NRXN1: variants seen among roughly 807,000 people sequenced by gnomAD.
NRXN1 encodes neurexin 1, also known as neurexin-1.
Under a neutral mutation model 150.9 loss-of-function variants are expected in NRXN1, and 39 were observed. The observed-to-expected ratio is 0.26, with a 90% CI of 0.20 to 0.34. The LOEUF is 0.34. NRXN1 is among the 10% of genes least tolerant of loss of function. The probability of loss-of-function intolerance (pLI) is 1.00; values close to 1 mark genes in which losing one functional copy is unlikely to be tolerated. For missense variants in NRXN1, 1,815 were observed against 1,949.9 expected, an observed-to-expected ratio of 0.93 and a Z score of 1.30; for synonymous variants, 924 against 757.0, an observed-to-expected ratio of 1.22 and a Z score of -3.62.
At chr2:50,384,565 G>A (rs950932176) in intron 17 of NRXN1, among the ~76,000 whole-genome samples, 1 of 149,562 alleles carries the variant, frequency 6.7e-6, no homozygotes, top group Non-Finnish European at 1.5e-5. Context: ...ATTGTTTAGG[G>A]CCCAGTTTCA....
chr2:50,897,374 G>A (rs1374052277), intron 5 of NRXN1, among the ~76,000 whole-genome samples: 1 of 152,072 alleles, frequency 6.6e-6, no homozygotes, highest in Admixed American at 6.6e-5. Flanking sequence ...AGTGATACCA[G>A]GACCATTCTA....
intron 2 of NRXN1, among the ~76,000 whole-genome samples, chr2:50,926,438 T>A (rs1393394620): frequency 6.6e-6 from 1 of 152,010 alleles, no homozygotes; most frequent in Non-Finnish European, 1.5e-5. Context: ...ATGCCATTAC[T>A]GCCTTTTAGT....
intron 21 of NRXN1, chr2:49,970,602 G>A (rs546429353): frequency 2.0e-5 from 3 of 152,124 alleles, no homozygotes; most frequent in South Asian, 2.1e-4. Context: ...AGGCCTTCAG[G>A]AGATTCAAAT....
At chr2:49,956,865 T>C (rs571424809) in intron 21 of NRXN1, among the ~76,000 whole-genome samples, 1 of 152,266 alleles carries the variant, frequency 6.6e-6, no homozygotes, top group Admixed American at 6.5e-5. Flanking sequence ...CACTTGACTT[T>C]TAGTTCTCCA....
At chr2:50,966,882 A>G (rs1323325745) in intron 2 of NRXN1, among the ~76,000 whole-genome samples, 1 of 151,964 alleles carries the variant, frequency 6.6e-6, no homozygotes, top group Non-Finnish European at 1.5e-5. Flanking sequence ...TGATTTAACA[A>G]GACAGCAATC....
intron 5 of NRXN1, among the ~76,000 whole-genome samples, chr2:50,804,097 A>G (rs1323455920): frequency 2.0e-5 from 3 of 152,180 alleles, no homozygotes; most frequent in Admixed American, 1.3e-4. Context: ...ATTTTTTCCA[A>G]TTCTTACCCC....
chr2:50,188,780 T>G (rs1346913968), intron 18 of NRXN1, among the ~76,000 whole-genome samples: 2 of 152,170 alleles, frequency 1.3e-5, no homozygotes, highest in East Asian at 3.8e-4. Context: ...TCATCATCAC[T>G]GGTCATTAGA....
At chr2:50,194,185 T>C (rs913626983) in intron 18 of NRXN1, among the ~76,000 whole-genome samples, 1 of 152,008 alleles carries the variant, frequency 6.6e-6, no homozygotes, top group Non-Finnish European at 1.5e-5. Flanking sequence ...ATGGACTACT[T>C]TGTGACTAAT....
intron 17 of NRXN1, among the ~76,000 whole-genome samples, chr2:50,393,509 G>C (rs1277313086): frequency 6.6e-6 from 1 of 151,944 alleles, no homozygotes; most frequent in Non-Finnish European, 1.5e-5. Flanking sequence ...TTTTGGCTGT[G>C]GAAAACAGAA....
At chr2:50,788,391 C>G (rs978720830) in intron 5 of NRXN1, among the ~76,000 whole-genome samples, 2 of 151,944 alleles carry the variant, frequency 1.3e-5, no homozygotes, top group African/African-American at 4.8e-5. Context: ...CCGGCCTCCC[C>G]ACTGGTTTTA....
intron 17 of NRXN1, among the ~76,000 whole-genome samples, chr2:50,416,289 A>AG (rs1192855007): frequency 6.6e-6 from 1 of 152,064 alleles, no homozygotes; most frequent in Non-Finnish European, 1.5e-5. Context: ...ATACCAAGAA[A>AG]GGAGACAGGA....
intron 15 of NRXN1, among the ~76,000 whole-genome samples, chr2:50,472,861 G>C (rs13031679): frequency 6.7e-6 from 1 of 150,220 alleles, no homozygotes; most frequent in East Asian, 2.0e-4. Context: ...CTGATTATTA[G>C]TATCATTGTT....
intron 21 of NRXN1, among the ~76,000 whole-genome samples, chr2:49,988,271 C>T (rs1008262846): frequency 1.3e-5 from 2 of 151,518 alleles, no homozygotes; most frequent in Non-Finnish European, 2.9e-5. Context: ...TTAGTGTCTG[C>T]CATTACCTTG....
chr2:50,368,610 G>C (rs1173789186), intron 17 of NRXN1, among the ~76,000 whole-genome samples: 1 of 151,974 alleles, frequency 6.6e-6, no homozygotes, highest in African/African-American at 2.4e-5. Context: ...AAACAGGTGA[G>C]TGACCAGATG....
chr2:50,650,961 C>T (rs908353642), intron 5 of NRXN1, among the ~76,000 whole-genome samples: 1 of 152,120 alleles, frequency 6.6e-6, no homozygotes. Context: ...TAGAAAACTA[C>T]ACAATATAAA....
intron 2 of NRXN1, among the ~76,000 whole-genome samples, chr2:50,993,911 T>C (rs1194263805): frequency 6.6e-6 from 1 of 152,038 alleles, no homozygotes. Context: ...TTAACCGGCA[T>C]GTATTTTAAC....
chr2:50,695,242 T>C (rs938214537), intron 5 of NRXN1, among the ~76,000 whole-genome samples: 3 of 152,074 alleles, frequency 2.0e-5, no homozygotes, highest in Non-Finnish European at 4.4e-5. Flanking sequence ...TGAGATTCCT[T>C]CAGAATATTT....
intron 21 of NRXN1, among the ~76,000 whole-genome samples, chr2:50,018,299 G>A (rs754621087): frequency 1.2e-4 from 18 of 152,150 alleles, no homozygotes; most frequent in Non-Finnish European, 1.8e-4. Context: ...AATGAGCTAT[G>A]TATTCAGGGA....
In NRXN1 at chr2:50,091,388, G is replaced by C; in HGVS notation, c.3653C>G (p.Thr1218Arg). The change falls in exon 19 of 23, where the codon ACG becomes AGG. Residue 1218 changes from threonine (T) to arginine (R), a missense_variant. By Grantham distance (71) the Thr-to-Arg change is moderately conservative. This residue lies in a region of NRXN1 where 339 missense variants were observed against 440.3 expected (regional missense o/e 0.77). Transcript: ENST00000401669. ...NDGKYHVVRF[T>R]RSGGNATLQV... ...CAACGTGGCATTGCCACCACTCCTC[G>C]TGAAACGAACTACATGGTATTTCCC... 2 of 1,614,160 alleles carry C rather than the reference G, an allele frequency of 1.2e-6. No individual in the cohort carries two copies. Among genetic ancestry groups the C allele is most frequent in the Non-Finnish European group, 1.7e-6 (2 of 1,180,032 alleles).
Sources: allele counts gnomAD v4.1 joint callset (sites outside exome capture counted in the v4.1 genomes callset), GRCh38; gene constraint gnomAD v4.1.1; regional missense constraint gnomAD v4.1.1; transcripts MANE v1.5; gene names NCBI Gene and HGNC (gene_info 2026-07-23, HGNC 2026-07-21).